Variants in LRRC4C observed in about 807,000 individuals in gnomAD.
LRRC4C encodes the protein leucine-rich repeat-containing protein 4C.
LRRC4C carries 5 observed loss-of-function variants against 33.6 expected under a neutral mutation model. The ratio of observed to expected loss-of-function variants is 0.15; its 90% confidence interval spans 0.08 to 0.31. LRRC4C has a LOEUF of 0.31. LRRC4C is among the 10% of genes least tolerant of loss of function. The pLI is 1.00. For missense variants in LRRC4C, 560 were observed against 796.7 expected (o/e 0.70, Z 3.58); for synonymous variants, 329 against 302.0 (o/e 1.09, Z -0.93).
chr11:40,554,831 C>G (rs569541546), intron 3 of LRRC4C, among the ~76,000 whole-genome samples: 1 of 147,690 alleles, frequency 6.8e-6, no homozygotes, highest in African/African-American at 2.6e-5. Context: ...ACGCCATTCT[C>G]CTGCCTCAGC....
chr11:40,715,217 G>A (rs995825861), intron 2 of LRRC4C, among the ~76,000 whole-genome samples: 3 of 152,130 alleles, frequency 2.0e-5, no homozygotes, highest in African/African-American at 7.2e-5. Context: ...AAATACAAAG[G>A]AAACTAAGTA....
intron 2 of LRRC4C, among the ~76,000 whole-genome samples, chr11:40,759,876 C>G (rs1021196541): frequency 6.0e-5 from 9 of 149,392 alleles, no homozygotes; most frequent in African/African-American, 2.2e-4. Context: ...ATTAGAAAAC[C>G]TATATGCACT....
chr11:40,128,988 C>T (rs776832875), intron 6 of LRRC4C, among the ~76,000 whole-genome samples: 7 of 152,112 alleles, frequency 4.6e-5, no homozygotes, highest in Non-Finnish European at 1.0e-4. Flanking sequence ...TTTCTTACTG[C>T]CTGTCTCACC....
In LRRC4C at chr11:40,195,896, T is replaced by G. The variant is rs180716921; in HGVS notation, c.-96+45623A>C. 5.7e-3 allele frequency among the ~76,000 whole-genome samples: 875 copies of G among 152,298 alleles called. 3 individuals are homozygous for G. The highest frequency in any genetic ancestry group is 0.014 in the Middle Eastern group (4 of 294). ...TGAAGTATTTATAAGGTGTGGCAAT[T>G]TGTCAAAAATCACCACAAATGGAAT... On this transcript the variant is annotated intron_variant, in intron 5 of 6. Transcript: ENST00000528697.
chr11:40,877,365 T>C (rs1484274400), intron 2 of LRRC4C, among the ~76,000 whole-genome samples: 2 of 152,148 alleles, frequency 1.3e-5, no homozygotes, highest in Non-Finnish European at 1.5e-5. Flanking sequence ...AAGGTGCACA[T>C]AATATATTTT....
chr11:40,745,058 G>T (rs1948349565), intron 2 of LRRC4C, among the ~76,000 whole-genome samples: 1 of 152,160 alleles, frequency 6.6e-6, no homozygotes, highest in African/African-American at 2.4e-5. Context: ...AAATGGTAAA[G>T]TATTACTGTA....
intron 2 of LRRC4C, among the ~76,000 whole-genome samples, chr11:40,703,912 TAA>T (rs542644643): frequency 5.3e-4 from 80 of 152,302 alleles, no homozygotes; most frequent in African/African-American, 1.5e-3. Context: ...ATAAAAAGAT[TAA>T]GTCATTAAAA....
intron 1 of LRRC4C, among the ~76,000 whole-genome samples, chr11:41,450,485 G>A (rs548823104): frequency 1.1e-4 from 16 of 152,230 alleles, no homozygotes; most frequent in Admixed American, 9.8e-4. Context: ...AAACTGAGAG[G>A]AATAAAGGCA....
intron 1 of LRRC4C, among the ~76,000 whole-genome samples, chr11:41,154,505 C>G (rs1944139708): frequency 6.6e-6 from 1 of 152,008 alleles, no homozygotes; most frequent in Non-Finnish European, 1.5e-5. Context: ...AGTATGTACT[C>G]AGAAAATATT....
intron 1 of LRRC4C, among the ~76,000 whole-genome samples, chr11:41,130,681 A>G (rs917172747): frequency 6.6e-6 from 1 of 152,012 alleles, no homozygotes. Context: ...TCATTTGCCA[A>G]TTGTTTCATA....
intron 2 of LRRC4C, among the ~76,000 whole-genome samples, chr11:40,883,696 T>A (rs1301385152): frequency 6.6e-6 from 1 of 151,976 alleles, no homozygotes; most frequent in African/African-American, 2.4e-5. Flanking sequence ...TCTTTCTTCC[T>A]TTAAAAATGC....
intron 5 of LRRC4C, among the ~76,000 whole-genome samples, chr11:40,218,736 TATCTATCC>T (rs1451070666): frequency 2.0e-5 from 3 of 146,856 alleles, no homozygotes; most frequent in Non-Finnish European, 3.0e-5. Flanking sequence ...TCTATCTATC[TATCTATCC>T]ATCCATCCAT....
At chr11:41,394,433 TAGTTATGCCAAGC>T (rs1238223349) in intron 1 of LRRC4C, among the ~76,000 whole-genome samples, 1 of 151,922 alleles carries the variant, frequency 6.6e-6, no homozygotes, top group African/African-American at 2.4e-5. Flanking sequence ...TCTGGTTATG[TAGTTATGCCAAGC>T]AGTGGGTGAC....
chr11:41,057,564 T>C (rs114297908), intron 1 of LRRC4C, among the ~76,000 whole-genome samples: 1 of 152,342 alleles, frequency 6.6e-6, no homozygotes, highest in African/African-American at 2.4e-5. Flanking sequence ...GTGCCTTTTC[T>C]GGGCCTGCCC....
chr11:41,196,517 T>C lies in LRRC4C; in HGVS notation c.-495-262794A>G, dbSNP rs144603969. The stretch of plus-strand genomic sequence containing the variant: ...AGGAGAGATTGAAAGAATGAGTTCA[T>C]TGTTAAATAGAAGAGGAATAAATAC... On this transcript the variant is annotated intron_variant, in intron 1 of 6. Coordinates refer to ENST00000528697, the MANE Select transcript of LRRC4C (RefSeq NM_001258419.2). Among the ~76,000 whole-genome samples the C allele has an allele frequency of 1.1e-4, 16 of 152,154 alleles. No homozygotes were observed. The East Asian group carries it at 2.9e-3, about 28-fold the overall frequency.
chr11:40,182,172 T>A (rs1861060075), intron 5 of LRRC4C, among the ~76,000 whole-genome samples: 2 of 152,224 alleles, frequency 1.3e-5, no homozygotes, highest in African/African-American at 2.4e-5. Flanking sequence ...TTAAAGTTTA[T>A]TAAACACTTT....
intron 3 of LRRC4C, among the ~76,000 whole-genome samples, chr11:40,479,593 T>C (rs1426735896): frequency 6.6e-6 from 1 of 152,138 alleles, no homozygotes; most frequent in Non-Finnish European, 1.5e-5. Flanking sequence ...GTAAGCTGGA[T>C]CAGGTTAAGC....
chr11:41,165,809 C>A (rs1192974699), intron 1 of LRRC4C, among the ~76,000 whole-genome samples: 2 of 151,984 alleles, frequency 1.3e-5, no homozygotes, highest in African/African-American at 4.8e-5. Context: ...GTGGGTGGAC[C>A]ACCTGAGGCC....
chr11:41,194,536 T>C (rs1247378735), intron 1 of LRRC4C, among the ~76,000 whole-genome samples: 1 of 152,108 alleles, frequency 6.6e-6, no homozygotes, highest in Non-Finnish European at 1.5e-5. Flanking sequence ...TTATTTCCCT[T>C]GTTGGCTTCG....
Sources: gnomAD v4.1 joint callset for allele counts (sites outside exome capture counted in the v4.1 genomes callset) on GRCh38, gnomAD v4.1.1 for gene constraint, MANE v1.5 for transcripts, NCBI Gene and HGNC (gene_info 2026-07-23, HGNC 2026-07-21) for gene names.